The following SLC25A26 variants were observed in gnomAD, a reference collection of about 807,000 sequenced individuals.
SLC25A26 encodes solute carrier family 25 member 26.
Under a neutral mutation model 37.8 loss-of-function variants are expected in SLC25A26, and 36 were observed. The ratio of observed to expected loss-of-function variants is 0.95; its 90% CI spans 0.73 to 1.26. The LOEUF is 1.26. Ranked by LOEUF, SLC25A26 falls within the 50% of genes most tolerant of loss-of-function variation. The probability of loss-of-function intolerance (pLI) is 0.00; values close to 1 mark genes in which losing one functional copy is unlikely to be tolerated. For missense variants in SLC25A26, 390 were observed against 331.1 expected (o/e 1.18, Z -1.38); for synonymous variants, 129 against 122.5 (o/e 1.05, Z -0.35).
At chr3:66,202,217 T>C (rs1441318222) in intron 1 of SLC25A26, among the ~76,000 whole-genome samples, 3 of 152,064 alleles carry the variant, frequency 2.0e-5, no homozygotes, top group Non-Finnish European at 4.4e-5. Flanking sequence ...TGCAGGGACA[T>C]GGATAAAGCT....
chr3:66,160,073 G>A (rs192179495), intron 1 of SLC25A26, among the ~76,000 whole-genome samples: 10 of 152,180 alleles, frequency 6.6e-5, no homozygotes, highest in Admixed American at 5.9e-4. Flanking sequence ...TGCAATCTGG[G>A]CTCACTGCAA....
intron 1 of SLC25A26, among the ~76,000 whole-genome samples, chr3:66,145,570 T>A (rs1193347066): frequency 6.6e-6 from 1 of 152,218 alleles, no homozygotes; most frequent in African/African-American, 2.4e-5. Flanking sequence ...ATTCAGAGTG[T>A]ACAATATATA....
intron 3 of SLC25A26, among the ~76,000 whole-genome samples, chr3:66,250,842 G>A (rs1308275221): frequency 6.6e-6 from 1 of 152,108 alleles, no homozygotes; most frequent in Non-Finnish European, 1.5e-5. Context: ...TAAAAAAATT[G>A]TGCATCTATT....
intron 1 of SLC25A26, among the ~76,000 whole-genome samples, chr3:66,161,259 T>G (rs2070354323): frequency 6.6e-6 from 1 of 152,158 alleles, no homozygotes; most frequent in Admixed American, 6.5e-5. Context: ...GGTGACCAAC[T>G]TTTTCCCCAT....
chr3:66,299,332 A>G (rs911288104), intron 5 of SLC25A26, among the ~76,000 whole-genome samples: 6 of 152,124 alleles, frequency 3.9e-5, no homozygotes, highest in Non-Finnish European at 8.8e-5. Flanking sequence ...AGCTGGGACT[A>G]CAGATGTGTG....
intron 6 of SLC25A26, among the ~76,000 whole-genome samples, chr3:66,352,708 A>T (rs1311623931): frequency 6.6e-6 from 1 of 151,888 alleles, no homozygotes; most frequent in Non-Finnish European, 1.5e-5. Flanking sequence ...GGATACAGTG[A>T]TGAAGAGGAC....
chr3:66,257,225 T>C (rs974877288), intron 3 of SLC25A26, among the ~76,000 whole-genome samples: 1 of 152,024 alleles, frequency 6.6e-6, no homozygotes, highest in African/African-American at 2.4e-5. Flanking sequence ...TTAAGAATTA[T>C]AGAAATAAGG....
chr3:66,253,023 GCC>G (rs33979268), intron 3 of SLC25A26, among the ~76,000 whole-genome samples: 31,211 of 106,832 alleles, frequency 0.29, 4,745 homozygotes, highest in Admixed American at 0.39. Flanking sequence ...GCAAAATAAT[GCC>G]CCCCCCCCCC....
intron 9 of SLC25A26, among the ~76,000 whole-genome samples, chr3:66,374,131 C>T (rs558826893): frequency 1.3e-5 from 2 of 152,366 alleles, no homozygotes; most frequent in African/African-American, 2.4e-5. Flanking sequence ...CCTTCATTAA[C>T]TCTTTCTGCT....
At chr3:66,144,720 C>T (rs985839417) in intron 1 of SLC25A26, among the ~76,000 whole-genome samples, 15 of 152,136 alleles carry the variant, frequency 9.9e-5, no homozygotes, top group Non-Finnish European at 1.8e-4. Flanking sequence ...ATTGTGCACA[C>T]GTTCATGGAC....
intron 5 of SLC25A26, among the ~76,000 whole-genome samples, chr3:66,291,584 G>A (rs1169113022): frequency 6.6e-6 from 1 of 152,148 alleles, no homozygotes; most frequent in African/African-American, 2.4e-5. Flanking sequence ...TCAGGAGCAG[G>A]TTGTTCAGTT....
At chr3:66,331,464 A>T (rs2075972278) in intron 5 of SLC25A26, among the ~76,000 whole-genome samples, 1 of 152,132 alleles carries the variant, frequency 6.6e-6, no homozygotes, top group African/African-American at 2.4e-5. Context: ...TTCCATGCCT[A>T]TCCTTTTATT....
intron 1 of SLC25A26, among the ~76,000 whole-genome samples, chr3:66,173,867 A>G (rs893226588): frequency 6.6e-6 from 1 of 151,802 alleles, no homozygotes; most frequent in Non-Finnish European, 1.5e-5. Flanking sequence ...CCTGGCCAAT[A>G]TGGTGTAACC....
intron 3 of SLC25A26, among the ~76,000 whole-genome samples, chr3:66,259,437 C>G (rs771656117): frequency 1.3e-5 from 2 of 152,166 alleles, no homozygotes; most frequent in Non-Finnish European, 2.9e-5. Flanking sequence ...GACTTCAACT[C>G]AGCCTTGCCT....
At chr3:66,305,057 TAC>T (rs1488580277) in intron 5 of SLC25A26, among the ~76,000 whole-genome samples, 1 of 152,220 alleles carries the variant, frequency 6.6e-6, no homozygotes, top group Non-Finnish European at 1.5e-5. Flanking sequence ...ACTGAATTTT[TAC>T]ACTTAGAGCT....
chr3:66,265,656 T>C (rs1559633269), intron 5 of SLC25A26, among the ~76,000 whole-genome samples: 1 of 152,252 alleles, frequency 6.6e-6, no homozygotes, highest in Non-Finnish European at 1.5e-5. Context: ...CTTTATGACA[T>C]ACCAACACTG....
At chr3:66,332,548 T>C (rs2076001863) in intron 5 of SLC25A26, among the ~76,000 whole-genome samples, 1 of 152,176 alleles carries the variant, frequency 6.6e-6, no homozygotes, top group African/African-American at 2.4e-5. Flanking sequence ...GAATTAGACT[T>C]AGAAGTGTAA....
At position 66,302,245 on chromosome 3, in the gene SLC25A26, G is replaced by A. The variant is rs147955637; in HGVS notation, c.453+38866G>A. Among the ~76,000 whole-genome samples, 644 of 152,270 alleles carry A rather than the reference G, an allele frequency of 4.2e-3. 1 individual carries two copies. Among genetic ancestry groups the A allele is most frequent in the Middle Eastern group, 0.017 (5 of 294 alleles). On this transcript the variant is annotated intron_variant, in intron 5 of 9. Coordinates refer to ENST00000354883, the MANE Select transcript of SLC25A26 (RefSeq NM_001379210.1). ...TCTCTAGACCATAAATTTCAAAGAC[G>A]TGGCCCAAAATGTTGGACTCAAGGT...
chr3:66,204,425 C>CAA (rs1253739560), intron 1 of SLC25A26, among the ~76,000 whole-genome samples: 4,652 of 66,526 alleles, frequency 0.07, 624 homozygotes, highest in East Asian at 0.22. Flanking sequence ...TACTCCGTCT[C>CAA]AAAAAAAAAA....
Sources: gnomAD v4.1 joint callset for allele counts (sites outside exome capture counted in the v4.1 genomes callset) on GRCh38, gnomAD v4.1.1 for gene constraint, MANE v1.5 for transcripts, NCBI Gene and HGNC (gene_info 2026-07-23, HGNC 2026-07-21) for gene names.